SMG1: variants seen among roughly 807,000 people sequenced by gnomAD.
SMG1 encodes SMG1 nonsense mediated mRNA decay associated PI3K related kinase, also known as serine/threonine-protein kinase SMG1.
SMG1 carries 22 observed loss-of-function variants against 419.9 expected under a neutral mutation model. That is an observed-to-expected ratio of 0.05 (90% CI 0.04 to 0.07). The LOEUF is 0.07. SMG1 is among the 10% of genes least tolerant of loss of function. SMG1 has a pLI of 1.00. For missense variants in SMG1, 3,185 were observed against 4,342.0 expected (o/e 0.73, Z 7.49); for synonymous variants, 1,538 against 1,553.5 (o/e 0.99, Z 0.23).
chr16:18,881,731 G>C (rs2036407338), intron 10 of SMG1, among the ~76,000 whole-genome samples: 1 of 151,972 alleles, frequency 6.6e-6, no homozygotes, highest in Non-Finnish European at 1.5e-5. Flanking sequence ...TTTGATATCA[G>C]GCTATCAAAG....
chr16:18,875,992 T>C, intron 13 of SMG1, 132 bp downstream of exon 13: 2 of 905,552 alleles, frequency 2.2e-6, no homozygotes, highest in African/African-American at 1.7e-5. Flanking sequence ...TATCCAGGCA[T>C]GTCTTAAATA....
intron 1 of SMG1, among the ~76,000 whole-genome samples, chr16:18,897,477 G>A (rs2037178446): frequency 6.6e-6 from 1 of 152,132 alleles, no homozygotes; most frequent in South Asian, 2.1e-4. Context: ...CTGTAGTATT[G>A]AAGACCCCAT....
At position 18,889,479 on chromosome 16, in the gene SMG1, T is replaced by C; in HGVS notation, c.715A>G (p.Lys239Glu). 1.7e-6 allele frequency: 1 copy of C among 596,296 alleles called. No individual in the cohort carries two copies. The highest frequency in any genetic ancestry group is 2.9e-6 in the Non-Finnish European group (1 of 343,116). The allele number at this position is 596,296 out of a possible 1,614,324, so 36.9% of individuals were successfully genotyped here. ...AEKIFKWIFS[K>E]FSSSAKDEVK... ...TCATCTTTTGCAGATGAGCTAAATT[T>C]GCTAAAAATCCACTTGAAGATCTTC... The change falls in exon 6 of 63, where the codon AAA becomes GAA. Residue 239 changes from lysine (K) to glutamate (E), a missense_variant. This residue lies in a region of SMG1 where 53 missense variants were observed against 56.3 expected (regional missense o/e 0.94). Transcript: ENST00000446231.
In SMG1 at chr16:18,808,173, T is replaced by C. The variant is rs2031029074; in HGVS notation, c.*1396A>G. The C allele has an allele frequency of 6.7e-6, 1 of 150,234 alleles. No individual in the cohort carries two copies. Among genetic ancestry groups the C allele is most frequent in the African/African-American group, 2.5e-5 (1 of 40,098 alleles). The allele number at this position is 150,234 out of a possible 1,614,324, so 9.3% of individuals were successfully genotyped here. A position where few individuals can be genotyped will look rare whatever the true frequency, so the allele number is the denominator to read the frequency against. ...GCAATTTAGCTTACACAGTCAGTAC[T>C]GAAATGCAATGCTAAATTTAAGGAA... is the stretch of plus-strand genomic sequence containing the variant. On this transcript the variant is annotated 3_prime_UTR_variant, in exon 63 of 63. Coordinates refer to ENST00000446231, the MANE Select transcript of SMG1 (RefSeq NM_015092.5).
rs371371198 is a variant in SMG1 at position 18,805,584 on chromosome 16, G to C, written c.*3985C>G. ...AAGCAGGAAGTGCAACAAACCCTTA[G>C]GGTTTCATGATACAGTGAATTTTCC... On this transcript the variant is annotated 3_prime_UTR_variant, in exon 63 of 63. Transcript: ENST00000446231. 2.0e-4 allele frequency: 30 copies of C among 152,044 alleles called. No individual in the cohort carries two copies. The highest frequency in any genetic ancestry group is 6.0e-4 in the African/African-American group (25 of 41,504). 9.4% of individuals were successfully genotyped at this position (152,044 alleles called of 1,614,324 possible).
chr16:18,830,730 G>T (rs558803546), intron 51 of SMG1, among the ~76,000 whole-genome samples: 2 of 152,100 alleles, frequency 1.3e-5, no homozygotes, highest in Admixed American at 1.3e-4. Flanking sequence ...GGCGGAGGTT[G>T]CCTAGGAGGC....
intron 57 of SMG1, 115 bp from the exon 58 acceptor site, chr16:18,816,644 A>G (rs1291733017): frequency 3.9e-6 from 3 of 766,786 alleles, no homozygotes; most frequent in Non-Finnish European, 6.2e-6. Context: ...GAGAACCTCC[A>G]TTGCTAAGTC....
In SMG1 at chr16:18,870,677, T is replaced by C; in HGVS notation, c.2425A>G (p.Ser809Gly). ...AATGCTTGTCGAATACGAGTTCCACTGTGCACTAGTTGAACACGGCAAACA... is the reference window on the plus strand; with the variant it reads ...AATGCTTGTCGAATACGAGTTCCACCGTGCACTAGTTGAACACGGCAAACA... ...VDVCRVQLVH[S>G]GTRIRQAFGK... The change falls in exon 18 of 63, where the codon AGT (serine) becomes GGT (glycine). Residue 809 changes from serine (S) to glycine (G), a missense_variant. Ser to Gly is a moderately conservative substitution (Grantham distance 56). Coordinates refer to ENST00000446231, the MANE Select transcript of SMG1 (RefSeq NM_015092.5). 1 of 1,609,190 alleles carries C rather than the reference T, an allele frequency of 6.2e-7. No individual in the cohort carries two copies. Among genetic ancestry groups the C allele is most frequent in the Non-Finnish European group, 8.5e-7 (1 of 1,178,512 alleles).
intron 1 of SMG1, among the ~76,000 whole-genome samples, chr16:18,914,764 C>T (rs34703034): frequency 0.33 from 49,693 of 151,978 alleles, 10,152 homozygotes; most frequent in East Asian, 0.62. Flanking sequence ...TTTCCCCAGG[C>T]ATTCTAATGG....
chr16:18,913,669 C>A (rs2141979783), intron 1 of SMG1, among the ~76,000 whole-genome samples: 1 of 151,952 alleles, frequency 6.6e-6, no homozygotes, highest in South Asian at 2.1e-4. Flanking sequence ...TTCTTAAAAA[C>A]CTGTAGGTTC....
chr16:18,835,938 A>G lies in SMG1; in HGVS notation c.8052T>C (p.Tyr2684=). The G allele has an allele frequency of 6.4e-7, 1 of 1,552,236 alleles. No individual in the cohort carries two copies. The highest frequency in any genetic ancestry group is 8.7e-7 in the Non-Finnish European group (1 of 1,147,048). The change falls in exon 48 of 63, where the codon TAT becomes TAC. Residue 2684 remains tyrosine, a synonymous_variant. Coordinates refer to ENST00000446231, the MANE Select transcript of SMG1 (RefSeq NM_015092.5). ...ATTAAGCACTATCAACTTACTTCCT[A>G]TAGAGCTCTTGACAACGCTCTACTG... is the stretch of plus-strand genomic sequence containing the variant. The part of the protein sequence containing the change: ...NTTVERCQEL[Y]RKYEMQYAPQ...
intron 57 of SMG1, 132 bp downstream of exon 57, chr16:18,817,159 C>T: frequency 4.1e-6 from 2 of 484,254 alleles, no homozygotes; most frequent in Non-Finnish European, 6.2e-6. Flanking sequence ...TCATCACTGT[C>T]CCCCCGCCCC....
At chr16:18,834,601 A>AC (rs1239851231) in intron 49 of SMG1, among the ~76,000 whole-genome samples, 163 bp from the exon 50 acceptor site, 1 of 151,940 alleles carries the variant, frequency 6.6e-6, no homozygotes, top group Non-Finnish European at 1.5e-5. Context: ...ATATGGCAAA[A>AC]CCCCATCTCT....
intron 1 of SMG1, among the ~76,000 whole-genome samples, chr16:18,912,621 T>C (rs1306025696): frequency 6.6e-6 from 1 of 152,114 alleles, no homozygotes; most frequent in Non-Finnish European, 1.5e-5. Context: ...ATAAAAGGTA[T>C]CTTTTACAAA....
intron 41 of SMG1, among the ~76,000 whole-genome samples, 188 bp downstream of exon 41, chr16:18,841,377 G>A (rs1217773827): frequency 8.2e-5 from 11 of 134,796 alleles, no homozygotes; most frequent in Admixed American, 1.6e-4. Context: ...CAGCATGGGC[G>A]ACAGAGCAAG....
intron 1 of SMG1, chr16:18,899,993 A>T: frequency 2.6e-6 from 4 of 1,527,980 alleles, no homozygotes; most frequent in Non-Finnish European, 3.5e-6. Flanking sequence ...ATACCTCAAA[A>T]ATCGCATACT....
intron 55 of SMG1, among the ~76,000 whole-genome samples, chr16:18,827,180 GT>G (rs951824055): frequency 3.3e-5 from 5 of 152,134 alleles, no homozygotes; most frequent in Admixed American, 2.6e-4. Flanking sequence ...CAATCCCAGT[GT>G]TTTGGGAGGC....
intron 27 of SMG1, 120 bp from the exon 28 acceptor site, chr16:18,859,301 C>G (rs1018473625): frequency 2.9e-6 from 2 of 688,560 alleles, no homozygotes; most frequent in Non-Finnish European, 4.9e-6. Context: ...GTAAGAGGAG[C>G]AGCCTGCTCT....
intron 6 of SMG1, among the ~76,000 whole-genome samples, chr16:18,887,672 TAAAA>T (rs368196825): frequency 0.33 from 21,955 of 65,562 alleles, 3,618 homozygotes; most frequent in Non-Finnish European, 0.4. Context: ...ACTTTTTATT[TAAAA>T]AAAAAAAAAA....
Sources: allele counts gnomAD v4.1 joint callset (sites outside exome capture counted in the v4.1 genomes callset), GRCh38; gene constraint gnomAD v4.1.1; regional missense constraint gnomAD v4.1.1; transcripts MANE v1.5; gene names NCBI Gene and HGNC (gene_info 2026-07-23, HGNC 2026-07-21).